Variants in ACYP2 observed in about 807,000 individuals in gnomAD.
ACYP2 encodes acylphosphatase-2.
A neutral mutation model predicts 11.2 loss-of-function variants in ACYP2; 12 were observed. That is an observed-to-expected ratio of 1.08 (90% CI 0.69 to 1.74). The LOEUF is 1.74. Ranked by LOEUF, ACYP2 falls within the 40% of genes most tolerant of loss-of-function variation. ACYP2 has a pLI of 0.00. For missense variants in ACYP2, 134 were observed against 101.9 expected (o/e 1.31, Z -1.35); for synonymous variants, 43 against 32.2 (o/e 1.33, Z -1.13).
At chr2:54,097,987 G>C (rs1678688170) in intron 4 of ACYP2, among the ~76,000 whole-genome samples, 1 of 134,512 alleles carries the variant, frequency 7.4e-6, no homozygotes, top group African/African-American at 2.8e-5. Flanking sequence ...TTTTGAGGTG[G>C]AGTCTCCCTC....
At chr2:54,115,644 A>G (rs1424439351) in intron 4 of ACYP2, 1 of 1,587,146 alleles carries the variant, frequency 6.3e-7, no homozygotes, top group Non-Finnish European at 8.6e-7. Flanking sequence ...CAGCCGCCGC[A>G]GTCGCTGCGC....
At chr2:54,057,390 A>G in intron 4 of ACYP2, 1 of 397,290 alleles carries the variant, frequency 2.5e-6, no homozygotes, top group Non-Finnish European at 4.4e-6. Context: ...ACTGATTTTA[A>G]TGAATATCTA....
chr2:54,040,323 T>G (rs1675156762), intron 2 of ACYP2, among the ~76,000 whole-genome samples: 1 of 152,148 alleles, frequency 6.6e-6, no homozygotes, highest in Non-Finnish European at 1.5e-5. Context: ...AATCAGGAGT[T>G]CAGTTTAGGA....
intron 2 of ACYP2, among the ~76,000 whole-genome samples, chr2:54,043,913 A>G (rs1675375680): frequency 6.6e-6 from 1 of 152,244 alleles, no homozygotes; most frequent in Admixed American, 6.5e-5. Context: ...AACTAAAAAC[A>G]GGAACTACCC....
rs150748778 is a variant in ACYP2 at position 54,112,999 on chromosome 2, G to C, written c.278-22454G>C. On this transcript the variant is annotated intron_variant, in intron 4 of 6. Transcript: ENST00000607452. The stretch of plus-strand genomic sequence containing the variant: ...AACCTTCCCAGTCAGTGACTACTTA[G>C]AAGCTATGCTATAGTTGTCCGTTGT... 1.4e-3 allele frequency among the ~76,000 whole-genome samples: 209 copies of C among 151,390 alleles called. 1 individual carries two copies. The highest frequency in any genetic ancestry group is 0.014 in the Middle Eastern group (4 of 292).
At chr2:54,210,305 A>G (rs546266738) in intron 6 of ACYP2, among the ~76,000 whole-genome samples, 96 of 152,272 alleles carry the variant, frequency 6.3e-4, no homozygotes, top group African/African-American at 2.0e-3. Context: ...TGGACTTCCA[A>G]TGTTGACTGA....
intron 6 of ACYP2, among the ~76,000 whole-genome samples, chr2:54,248,675 A>G (rs1352863470): frequency 6.6e-6 from 1 of 152,172 alleles, no homozygotes; most frequent in African/African-American, 2.4e-5. Context: ...AGGCTGCTTG[A>G]GAACAGGGAC....
At chr2:54,161,527 C>G (rs1229797140) in intron 6 of ACYP2, among the ~76,000 whole-genome samples, 1 of 152,078 alleles carries the variant, frequency 6.6e-6, no homozygotes, top group Non-Finnish European at 1.5e-5. Flanking sequence ...GCCTTAAACA[C>G]TATCCCAACT....
chr2:54,219,905 A>ATATATTTTTTT (rs1288814375), intron 6 of ACYP2, among the ~76,000 whole-genome samples: 5 of 75,988 alleles, frequency 6.6e-5, no homozygotes, highest in Admixed American at 1.4e-4. Context: ...ATATATATAT[A>ATATATTTTTTT]TTTTTTTTTT....
chr2:54,025,329 T>C (rs1674224770), intron 2 of ACYP2, among the ~76,000 whole-genome samples: 1 of 152,170 alleles, frequency 6.6e-6, no homozygotes, highest in African/African-American at 2.4e-5. Context: ...GACTTTAAAC[T>C]ATACTATAAG....
chr2:54,069,982 A>C (rs6711310), intron 4 of ACYP2, among the ~76,000 whole-genome samples: 7,115 of 152,274 alleles, frequency 0.047, 583 homozygotes, highest in African/African-American at 0.16. Context: ...AAGAAAAAAT[A>C]CATTTGGGCC....
chr2:54,186,957 C>T (rs772860287), intron 6 of ACYP2, among the ~76,000 whole-genome samples: 5 of 151,962 alleles, frequency 3.3e-5, no homozygotes, highest in African/African-American at 4.8e-5. Flanking sequence ...TTTTGAGTTA[C>T]TGCACCATGG....
chr2:54,159,979 G>A (rs1006953743), intron 6 of ACYP2, among the ~76,000 whole-genome samples: 10 of 152,126 alleles, frequency 6.6e-5, no homozygotes, highest in African/African-American at 1.7e-4. Flanking sequence ...CTCACTGTGT[G>A]CTCTGCTTCC....
intron 6 of ACYP2, among the ~76,000 whole-genome samples, chr2:54,280,824 A>C (rs1045576312): frequency 1.3e-5 from 2 of 152,184 alleles, no homozygotes; most frequent in Non-Finnish European, 2.9e-5. Context: ...AAGAAACTTA[A>C]TCGATAGGAA....
intron 6 of ACYP2, among the ~76,000 whole-genome samples, chr2:54,249,139 G>C (rs1381312710): frequency 6.6e-6 from 1 of 152,050 alleles, no homozygotes; most frequent in Non-Finnish European, 1.5e-5. Context: ...AAGGATATTT[G>C]AGCAAAAGGG....
At chr2:54,301,310 C>T (rs1689716612) in intron 6 of ACYP2, among the ~76,000 whole-genome samples, 1 of 152,182 alleles carries the variant, frequency 6.6e-6, no homozygotes, top group Non-Finnish European at 1.5e-5. Flanking sequence ...CTAATGTCTT[C>T]CTTAAAACTT....
At chr2:54,037,458 T>A (rs1240465707) in intron 2 of ACYP2, among the ~76,000 whole-genome samples, 1 of 152,304 alleles carries the variant, frequency 6.6e-6, no homozygotes, top group East Asian at 1.9e-4. Flanking sequence ...TCACCCAGGC[T>A]GAGGTGCAGT....
chr2:53,995,012 C>G (rs1040230907), intron 2 of ACYP2, among the ~76,000 whole-genome samples: 2 of 152,088 alleles, frequency 1.3e-5, no homozygotes, highest in Admixed American at 6.6e-5. Flanking sequence ...ACAAGAGTGT[C>G]TTTCTGTTTT....
chr2:54,256,050 C>G, intron 6 of ACYP2: 2 of 1,614,186 alleles, frequency 1.2e-6, no homozygotes, highest in Non-Finnish European at 1.7e-6. Flanking sequence ...CTGCCATTAC[C>G]TCTGTCGCCT....
Sources: gnomAD v4.1 joint callset for allele counts (sites outside exome capture counted in the v4.1 genomes callset) on GRCh38, gnomAD v4.1.1 for gene constraint, MANE v1.5 for transcripts, NCBI Gene and HGNC (gene_info 2026-07-23, HGNC 2026-07-21) for gene names.